Variants in ARL5A observed in about 807,000 individuals in gnomAD.
The protein encoded by ARL5A is ADP-ribosylation factor-like protein 5A.
In ARL5A, 18 loss-of-function variants were observed where a neutral mutation model predicts 25.9. The observed-to-expected ratio is 0.69, with a 90% CI of 0.48 to 1.03. ARL5A has a LOEUF of 1.03. Among genes scored for constraint, ARL5A ranks in the 50% least tolerant of loss-of-function variants. The pLI is 0.00. For synonymous variants in ARL5A, 61 were observed against 67.5 expected, an observed-to-expected ratio of 0.90 and a Z score of 0.47; for missense variants, 170 against 211.9, an observed-to-expected ratio of 0.80 and a Z score of 1.23.
rs148119983 is a variant in ARL5A at position 151,823,214 on chromosome 2, T to G, written c.46+4917A>C. 7.3e-3 allele frequency among the ~76,000 whole-genome samples: 1,117 copies of G among 152,294 alleles called. 14 individuals carry two copies. The highest frequency in any genetic ancestry group is 0.025 in the African/African-American group (1,037 of 41,552). On this transcript the variant is annotated intron_variant, in intron 1 of 5. Coordinates refer to ENST00000295087, the MANE Select transcript of ARL5A (RefSeq NM_012097.4). ...ATAGGACAGCTCCTGGAATAAAGCA[T>G]GAGCTTAATATTTTTCATGAATAAA...
chr2:151,827,713 G>A (rs1208240615), intron 1 of ARL5A: 3 of 175,436 alleles, frequency 1.7e-5, no homozygotes. Context: ...CAGTGGTGCG[G>A]TTAGGGCAGC....
chr2:151,828,229 C>A lies in ARL5A; in HGVS notation c.-53G>T. On this transcript the variant is annotated 5_prime_UTR_variant, in exon 1 of 6. Coordinates refer to ENST00000295087, the MANE Select transcript of ARL5A (RefSeq NM_012097.4). Reference sequence around the variant, plus strand: ...GACACCCGGGCCGCCTGGCTTCCCCCGGCTCAGGCTGAGGGGGAGGAGAGA... The same window carrying A: ...GACACCCGGGCCGCCTGGCTTCCCCAGGCTCAGGCTGAGGGGGAGGAGAGA... 2.6e-6 allele frequency: 4 copies of A among 1,560,974 alleles called. No homozygotes were observed. The highest frequency in any genetic ancestry group is 3.5e-6 in the Non-Finnish European group (4 of 1,137,148).
Position 151,824,564 on chromosome 2 carries a change from G to A in ARL5A, c.46+3567C>T, listed in dbSNP as rs932532492. On this transcript the variant is annotated intron_variant, in intron 1 of 5. Transcript: ENST00000295087. ...CTCAGCATCAGGTTCCTGAAGCACA[G>A]GCAGCTTCTCCTGCACCCATTCATA... Among the ~76,000 whole-genome samples the A allele has an allele frequency of 3.3e-5, 5 of 152,092 alleles. No homozygotes were observed. In the South Asian group the frequency reaches 1.0e-3, roughly 32 times the overall value.
In ARL5A at chr2:151,814,245, G is replaced by A; in HGVS notation, c.179C>T (p.Thr60Ile). The change falls in exon 3 of 6, where the codon ACA (threonine) becomes ATA (isoleucine). Residue 60 changes from threonine to isoleucine, a missense_variant. Transcript: ENST00000295087. ...SNVEEIVINN[T>I]RFLMWDIGGQ... ...ACCAATATCCCACATTAGGAAACGT[G>A]TATTATTAATCACTATCTCTTCTAC... 1 of 1,606,412 alleles carries A rather than the reference G, an allele frequency of 6.2e-7. No homozygotes were observed. The highest frequency in any genetic ancestry group is 1.3e-5 in the African/African-American group (1 of 74,512).
intron 4 of ARL5A, among the ~76,000 whole-genome samples, chr2:151,807,199 C>T (rs753144132): frequency 3.9e-5 from 6 of 152,068 alleles, no homozygotes; most frequent in Admixed American, 6.5e-5. Context: ...CTGTATTTAA[C>T]AGTCATGTTT....
At chr2:151,811,006 T>C (rs1244115067) in intron 4 of ARL5A, among the ~76,000 whole-genome samples, 2 of 152,104 alleles carry the variant, frequency 1.3e-5, no homozygotes, top group African/African-American at 4.8e-5. Flanking sequence ...ATTGCTTGTA[T>C]CCCAACTAGC....
chr2:151,824,478 C>CTAATAATAATAATAATAA lies in ARL5A; in HGVS notation c.46+3635_46+3652dup, dbSNP rs61097162. 4.0e-3 allele frequency among the ~76,000 whole-genome samples: 602 copies of CTAATAATAATAATAATAA among 150,408 alleles called. 1 individual carries two copies. Among genetic ancestry groups the CTAATAATAATAATAATAA allele is most frequent in the African/African-American group, 9.7e-3 (394 of 40,754 alleles). ...ACTCTTCTCTACACATTTAAACTCCCTAATAATAATAATAATAATAATAAT... is the reference window on the plus strand; with the variant it reads ...ACTCTTCTCTACACATTTAAACTCCCTAATAATAATAATAATAATAATAATAATAATAATAATAATAAT... On this transcript the variant is annotated intron_variant, in intron 1 of 5. Transcript: ENST00000295087.
chr2:151,810,244 T>C (rs988613242), intron 4 of ARL5A: 1 of 152,746 alleles, frequency 6.5e-6, no homozygotes, highest in African/African-American at 2.4e-5. Flanking sequence ...AAAATTATTT[T>C]AAAATTTTTA....
rs2099829557 is a variant in ARL5A at position 151,802,462 on chromosome 2, G to C, written c.*814C>G. The C allele has an allele frequency of 6.6e-6, 1 of 151,974 alleles. No individual in the cohort carries two copies. Among genetic ancestry groups the C allele is most frequent in the African/African-American group, 2.4e-5 (1 of 41,410 alleles). 9.4% of individuals were successfully genotyped at this position (151,974 alleles called of 1,614,324 possible). On this transcript the variant is annotated 3_prime_UTR_variant, in exon 6 of 6. Coordinates refer to ENST00000295087, the MANE Select transcript of ARL5A (RefSeq NM_012097.4). ...CACTGAAAGGAATAATCTGATAGTT[G>C]CTCATTGTACAATCCTGCCTATTAG...
At chr2:151,814,383 T>C in intron 2 of ARL5A, 67 bp from the exon 3 acceptor site, 2 of 1,283,886 alleles carry the variant, frequency 1.6e-6, no homozygotes, top group East Asian at 5.2e-5. Flanking sequence ...AATTTTTTAA[T>C]CAAGGACAAA....
intron 4 of ARL5A, chr2:151,810,389 C>G (rs1020554571): frequency 8.5e-6 from 2 of 234,470 alleles, no homozygotes; most frequent in Admixed American, 5.7e-5. Context: ...CATTCTCACT[C>G]TTTGATCCAT....
intron 5 of ARL5A, among the ~76,000 whole-genome samples, chr2:151,805,082 T>A (rs1305195131): frequency 9.9e-5 from 15 of 152,204 alleles, no homozygotes; most frequent in South Asian, 2.1e-4. Flanking sequence ...CGTGTCTTTA[T>A]TGACAAATAT....
rs1269827374 is a variant in ARL5A at position 151,828,226 on chromosome 2, C to G, written c.-50G>C. 6.3e-7 allele frequency: 1 copy of G among 1,575,722 alleles called. No homozygotes were observed. The highest frequency in any genetic ancestry group is 1.4e-5 in the African/African-American group (1 of 73,504). ...CCAGACACCCGGGCCGCCTGGCTTC[C>G]CCCGGCTCAGGCTGAGGGGGAGGAG... is the stretch of plus-strand genomic sequence containing the variant. On this transcript the variant is annotated 5_prime_UTR_variant, in exon 1 of 6. Coordinates refer to ENST00000295087, the MANE Select transcript of ARL5A (RefSeq NM_012097.4).
At chr2:151,825,699 C>G (rs564819386) in intron 1 of ARL5A, among the ~76,000 whole-genome samples, 2 of 152,002 alleles carry the variant, frequency 1.3e-5, no homozygotes, top group African/African-American at 2.4e-5. Context: ...ATGGCAAATT[C>G]TGTAATCTCC....
Position 151,801,783 on chromosome 2 carries a change from T to C in ARL5A, c.*1493A>G, listed in dbSNP as rs2099829450. 1 of 151,378 alleles carries C rather than the reference T, an allele frequency of 6.6e-6. No homozygotes were observed. Among genetic ancestry groups the C allele is most frequent in the African/African-American group, 2.4e-5 (1 of 41,252 alleles). 9.4% of individuals were successfully genotyped at this position (151,378 alleles called of 1,614,324 possible). A position where few individuals can be genotyped will look rare whatever the true frequency, so the allele number is the denominator to read the frequency against. On this transcript the variant is annotated 3_prime_UTR_variant, in exon 6 of 6. Coordinates refer to ENST00000295087, the MANE Select transcript of ARL5A (RefSeq NM_012097.4). The stretch of plus-strand genomic sequence containing the variant: ...TTTAAAAGGCTGATATTGAAGGTAG[T>C]TTTTTTTTCTCAAATATGCTAAAAC...
chr2:151,804,744 T>G lies in ARL5A; in HGVS notation c.492-1420A>C, dbSNP rs150844292. Among the ~76,000 whole-genome samples the G allele has an allele frequency of 4.6e-5, 7 of 152,292 alleles. No individual in the cohort carries two copies. In the East Asian group the frequency reaches 1.3e-3, roughly 29 times the overall value. ...CACTGAGATCAGAATCCTTCCAATGTTACAGAGGAAACCCAGGGTTGGCAA... is the reference window on the plus strand; with the variant it reads ...CACTGAGATCAGAATCCTTCCAATGGTACAGAGGAAACCCAGGGTTGGCAA... On this transcript the variant is annotated intron_variant, in intron 5 of 5. Coordinates refer to ENST00000295087, the MANE Select transcript of ARL5A (RefSeq NM_012097.4).
intron 1 of ARL5A, among the ~76,000 whole-genome samples, chr2:151,817,958 A>G (rs1320789349): frequency 6.6e-6 from 1 of 152,188 alleles, no homozygotes; most frequent in Non-Finnish European, 1.5e-5. Flanking sequence ...GTGAGCCAAG[A>G]TCATGCCATT....
At chr2:151,821,333 T>C (rs111715776) in intron 1 of ARL5A, among the ~76,000 whole-genome samples, 3,740 of 152,302 alleles carry the variant, frequency 0.025, 171 homozygotes, top group African/African-American at 0.086. Flanking sequence ...GAACATATCA[T>C]ATTCTTACCA....
At chr2:151,810,579 G>GAATGAGAATACTCA in intron 4 of ARL5A, 1 of 442,356 alleles carries the variant, frequency 2.3e-6, no homozygotes. Context: ...TAAAGAGTCT[G>GAATGAGAATACTCA]AATGAGAATA....
Sources: gnomAD v4.1 joint callset for allele counts (sites outside exome capture counted in the v4.1 genomes callset) on GRCh38, gnomAD v4.1.1 for gene constraint, MANE v1.5 for transcripts, NCBI Gene and HGNC (gene_info 2026-07-23, HGNC 2026-07-21) for gene names.